PLA2G7: variants seen among roughly 807,000 people sequenced by gnomAD.
PLA2G7 encodes the protein platelet-activating factor acetylhydrolase.
A neutral mutation model predicts 49.6 loss-of-function variants in PLA2G7; 63 were observed. The ratio of observed to expected loss-of-function variants is 1.27; its 90% CI spans 1.04 to 1.57. The LOEUF (loss-of-function observed/expected upper bound fraction) is 1.57, where lower values mean the gene tolerates loss of function less well. Among genes scored for constraint, PLA2G7 ranks in the 40% most tolerant of loss-of-function variants. The probability of loss-of-function intolerance (pLI) is 0.00; values close to 1 mark genes in which losing one functional copy is unlikely to be tolerated. For synonymous variants in PLA2G7, 193 were observed against 169.9 expected (o/e 1.14, Z -1.06); for missense variants, 596 against 521.2 (o/e 1.14, Z -1.40).
intron 5 of PLA2G7, among the ~76,000 whole-genome samples, chr6:46,713,945 T>C (rs1485018015): frequency 1.3e-5 from 2 of 152,200 alleles, no homozygotes; most frequent in Non-Finnish European, 2.9e-5. Flanking sequence ...ACTCCTTCCA[T>C]TGGCCTGGCT....
chr6:46,735,202 C>G lies in PLA2G7; in HGVS notation c.-57G>C, dbSNP rs546201919. The G allele has an allele frequency of 3.9e-5, 6 of 152,322 alleles. No individual in the cohort carries two copies. Among genetic ancestry groups the G allele is most frequent in the Middle Eastern group, 3.4e-3 (1 of 292 alleles). The allele number at this position is 152,322 out of a possible 1,614,324, so 9.4% of individuals were successfully genotyped here. A position where few individuals can be genotyped will look rare whatever the true frequency, so the allele number is the denominator to read the frequency against. On this transcript the variant is annotated 5_prime_UTR_variant, in exon 1 of 12. Transcript: ENST00000274793. ...CACTCAGGCGCGGCGCGGAGCTGCT[C>G]GCGGGAACTGGGGTCCCTGGGCGCG...
chr6:46,720,436 A>G (rs1765358433), intron 2 of PLA2G7, among the ~76,000 whole-genome samples: 1 of 152,196 alleles, frequency 6.6e-6, no homozygotes, highest in Admixed American at 6.5e-5. Flanking sequence ...GTTCCAGGAC[A>G]CCTGACCTCT....
intron 2 of PLA2G7, 45 bp downstream of exon 2, chr6:46,722,738 G>A: frequency 8.6e-7 from 1 of 1,157,940 alleles, no homozygotes; most frequent in Non-Finnish European, 1.3e-6. Flanking sequence ...TTGAAGTATG[G>A]CGACAGATCA....
At chr6:46,733,563 A>G (rs558065183) in intron 1 of PLA2G7, among the ~76,000 whole-genome samples, 2 of 152,202 alleles carry the variant, frequency 1.3e-5, no homozygotes, top group African/African-American at 4.8e-5. Flanking sequence ...CTGGTGCACA[A>G]ATATCTGGGG....
At chr6:46,726,787 A>G (rs1582586566) in intron 1 of PLA2G7, among the ~76,000 whole-genome samples, 1 of 151,954 alleles carries the variant, frequency 6.6e-6, no homozygotes, top group East Asian at 1.9e-4. Flanking sequence ...GATTACAGGC[A>G]CCCACCATAA....
At chr6:46,711,683 C>G in intron 6 of PLA2G7, 64 bp from the exon 7 acceptor site, 1 of 1,549,394 alleles carries the variant, frequency 6.5e-7, no homozygotes, top group Non-Finnish European at 8.9e-7. Context: ...ACCCATGTTT[C>G]TCAGTTCCAT....
intron 1 of PLA2G7, among the ~76,000 whole-genome samples, chr6:46,732,231 A>T (rs1316498716): frequency 6.6e-6 from 1 of 152,090 alleles, no homozygotes; most frequent in South Asian, 2.1e-4. Context: ...GGAGCAGGAC[A>T]TTTGTGCTTG....
At chr6:46,734,866 A>G (rs183343564) in intron 1 of PLA2G7, among the ~76,000 whole-genome samples, 91 of 152,182 alleles carry the variant, frequency 6.0e-4, no homozygotes, top group Admixed American at 1.3e-3. Context: ...GAGAGAGAAA[A>G]AAAAGAAAAG....
In PLA2G7 at chr6:46,711,488, C is replaced by T. The variant is rs200719396; in HGVS notation, c.663+8G>A. ...TCACCAACCACCTCTCCTTTCACTG[C>T]AATGTACCTGCTCATTTCGTATATG... On this transcript the variant is annotated splice_region_variant and intron_variant, in intron 7 of 11. Coordinates refer to ENST00000274793, the MANE Select transcript of PLA2G7 (RefSeq NM_005084.4). 1.1e-5 allele frequency: 17 copies of T among 1,613,322 alleles called. No homozygotes were observed. The East Asian group carries it at 3.8e-4, about 36-fold the overall frequency.
intron 1 of PLA2G7, among the ~76,000 whole-genome samples, chr6:46,726,598 G>T (rs1765581708): frequency 6.6e-6 from 1 of 151,894 alleles, no homozygotes; most frequent in African/African-American, 2.4e-5. Flanking sequence ...TCATCATATT[G>T]TATGAAAATC....
intron 1 of PLA2G7, among the ~76,000 whole-genome samples, chr6:46,729,240 T>C (rs1051209289): frequency 6.6e-6 from 1 of 152,120 alleles, no homozygotes; most frequent in African/African-American, 2.4e-5. Flanking sequence ...TAAACTGACA[T>C]ATATGCCCCA....
At chr6:46,708,490 G>C (rs961008500) in intron 9 of PLA2G7, among the ~76,000 whole-genome samples, 1 of 152,096 alleles carries the variant, frequency 6.6e-6, no homozygotes, top group Non-Finnish European at 1.5e-5. Context: ...ATCTGAAAAA[G>C]TATAATAAAT....
intron 5 of PLA2G7, among the ~76,000 whole-genome samples, chr6:46,713,876 A>C (rs1042909792): frequency 6.6e-6 from 1 of 152,210 alleles, no homozygotes; most frequent in African/African-American, 2.4e-5. Flanking sequence ...CAGCATGGGT[A>C]CTAACATTAG....
chr6:46,716,475 G>C lies in PLA2G7; in HGVS notation c.285C>G (p.Thr95=), dbSNP rs1405244401. Residue 95 remains threonine (T), a synonymous_variant, in exon 4 of 12, where the codon ACC becomes ACG. Transcript: ENST00000274793. ...AATATTCTTTATTTGGGATCCAAAG[G>C]GTGTCAAGGCGATCATTATCTTGGG... ...YPSQDNDRLD[T]LWIPNKEYFW... The C allele has an allele frequency of 3.1e-6, 5 of 1,613,790 alleles. No homozygotes were observed. The highest frequency in any genetic ancestry group is 2.5e-6 in the Non-Finnish European group (3 of 1,179,750).
At chr6:46,714,354 C>T in intron 5 of PLA2G7, 106 bp downstream of exon 5, 1 of 798,314 alleles carries the variant, frequency 1.3e-6, no homozygotes. Flanking sequence ...CCAACTCCTC[C>T]AGACAAGGGC....
At chr6:46,712,433 CT>C (rs1765059679) in intron 5 of PLA2G7, 96 bp from the exon 6 acceptor site, 2 of 862,526 alleles carry the variant, frequency 2.3e-6, no homozygotes, top group African/African-American at 1.6e-5. Context: ...CATTACACCC[CT>C]GTAGTAGTGC....
intron 8 of PLA2G7, 107 bp from the exon 9 acceptor site, chr6:46,709,525 G>T: frequency 4.2e-6 from 3 of 717,002 alleles, no homozygotes; most frequent in Non-Finnish European, 7.6e-6. Flanking sequence ...TAAATACATT[G>T]ATTTCTTATA....
chr6:46,716,489 C>T lies in PLA2G7; in HGVS notation c.271G>A (p.Asp91Asn). Reference sequence around the variant, plus strand: ...GGGATCCAAAGGGTGTCAAGGCGATCATTATCTTGGGATGGATAATATAAA... The same window carrying T: ...GGGATCCAAAGGGTGTCAAGGCGATTATTATCTTGGGATGGATAATATAAA... ...LRLYYPSQDN[D>N]RLDTLWIPNK... is the part of the protein sequence containing the mutation. The change falls in exon 4 of 12, where the codon GAT (aspartate) becomes AAT (asparagine). Residue 91 changes from aspartate (D) to asparagine (N), a missense_variant. By Grantham distance (23) the Asp-to-Asn change is conservative (BLOSUM62 1). Coordinates refer to ENST00000274793, the MANE Select transcript of PLA2G7 (RefSeq NM_005084.4). The T allele has an allele frequency of 1.2e-6, 2 of 1,613,820 alleles. No homozygotes were observed. Among genetic ancestry groups the T allele is most frequent in the Non-Finnish European group, 1.7e-6 (2 of 1,179,764 alleles).
At chr6:46,716,576 CAT>C in intron 3 of PLA2G7, 48 bp from the exon 4 acceptor site, 3 of 1,583,244 alleles carry the variant, frequency 1.9e-6, no homozygotes, top group Non-Finnish European at 2.6e-6. Flanking sequence ...GTGTCTCAAA[CAT>C]ATTCCAGCAG....
Sources: gnomAD v4.1 joint callset for allele counts (sites outside exome capture counted in the v4.1 genomes callset) on GRCh38, gnomAD v4.1.1 for gene constraint, MANE v1.5 for transcripts, NCBI Gene and HGNC (gene_info 2026-07-23, HGNC 2026-07-21) for gene names.